Variants in RNF121 observed in about 807,000 individuals in gnomAD.
RNF121 encodes the protein E3 ubiquitin ligase RNF121.
A neutral mutation model predicts 46.5 loss-of-function variants in RNF121; 21 were observed. That is an observed-to-expected ratio of 0.45 (90% CI 0.32 to 0.65). RNF121 has a LOEUF of 0.65. RNF121 is among the 30% of genes least tolerant of loss of function. The pLI, the probability that RNF121 is intolerant of heterozygous loss-of-function variation, is 0.04. For missense variants in RNF121, 346 were observed against 416.0 expected (o/e 0.83, Z 1.46); for synonymous variants, 139 against 144.7 (o/e 0.96, Z 0.28).
chr11:71,954,890 T>G (rs1346183862), intron 1 of RNF121, among the ~76,000 whole-genome samples: 1 of 152,216 alleles, frequency 6.6e-6, no homozygotes, highest in Non-Finnish European at 1.5e-5. Context: ...GAGGTGCTGG[T>G]TTGTCAGCAT....
chr11:71,930,931 CA>C (rs1435051419), intron 1 of RNF121, among the ~76,000 whole-genome samples: 18 of 152,184 alleles, frequency 1.2e-4, no homozygotes, highest in Non-Finnish European at 1.8e-4. Flanking sequence ...CTTCTGGGTT[CA>C]AACAATTCTC....
At chr11:71,981,430 G>T (rs1210239518) in intron 3 of RNF121, among the ~76,000 whole-genome samples, 1 of 152,168 alleles carries the variant, frequency 6.6e-6, no homozygotes, top group Non-Finnish European at 1.5e-5. Flanking sequence ...TTTTGTTGTT[G>T]TTTTTTTTAA....
chr11:71,989,823 T>C (rs1380182116), intron 5 of RNF121, among the ~76,000 whole-genome samples: 2 of 152,232 alleles, frequency 1.3e-5, no homozygotes, highest in Non-Finnish European at 2.9e-5. Context: ...TAGTAACTGC[T>C]ATATATTAAT....
chr11:71,974,322 T>C (rs1215438101), intron 3 of RNF121, among the ~76,000 whole-genome samples: 1 of 152,256 alleles, frequency 6.6e-6, no homozygotes, highest in African/African-American at 2.4e-5. Flanking sequence ...AATAATACTT[T>C]AGATTGCTTA....
intron 3 of RNF121, among the ~76,000 whole-genome samples, chr11:71,982,417 G>C (rs749387570): frequency 6.6e-6 from 1 of 151,474 alleles, no homozygotes; most frequent in Non-Finnish European, 1.5e-5. Context: ...ACATGGTGAA[G>C]ATTTCGTGTT....
chr11:71,994,992 C>A, intron 7 of RNF121, 140 bp downstream of exon 7: 1 of 1,153,912 alleles, frequency 8.7e-7, no homozygotes, highest in Non-Finnish European at 1.2e-6. Flanking sequence ...GCCACCTTCC[C>A]TACCCTTTCC....
In RNF121 at chr11:71,996,444, G is replaced by A. The variant is rs1266555133; in HGVS notation, c.*129G>A. The stretch of plus-strand genomic sequence containing the variant: ...TGCTTGGGCCACTCAGGACCCCTCT[G>A]GCTGTGTCGGACTGGGGAGGGATAT... On this transcript the variant is annotated 3_prime_UTR_variant, in exon 9 of 9. Transcript: ENST00000361756. The A allele has an allele frequency of 2.0e-5, 21 of 1,063,146 alleles. No individual in the cohort carries two copies. In the South Asian group the frequency reaches 2.3e-4, roughly 12 times the overall value. 65.9% of individuals were successfully genotyped at this position (1,063,146 alleles called of 1,614,324 possible). A position where few individuals can be genotyped will look rare whatever the true frequency, so the allele number is the denominator to read the frequency against.
At chr11:71,984,170 G>A (rs911435744) in intron 4 of RNF121, among the ~76,000 whole-genome samples, 10 of 152,234 alleles carry the variant, frequency 6.6e-5, no homozygotes, top group Non-Finnish European at 1.0e-4. Context: ...TGAAGAAAAA[G>A]TGCAATAGAA....
intron 1 of RNF121, among the ~76,000 whole-genome samples, chr11:71,952,037 A>G (rs1221306873): frequency 6.6e-6 from 1 of 152,264 alleles, no homozygotes; most frequent in African/African-American, 2.4e-5. Context: ...TCATAGTAGC[A>G]TTATTTATAA....
intron 1 of RNF121, among the ~76,000 whole-genome samples, chr11:71,933,640 T>C (rs2134141883): frequency 6.6e-6 from 1 of 152,322 alleles, no homozygotes; most frequent in Non-Finnish European, 1.5e-5. Context: ...GTGACCCCAC[T>C]TCATGTTCCC....
In RNF121 at chr11:71,969,959, G is replaced by A. The variant is rs1182969701; in HGVS notation, c.243+9068G>A. The stretch of plus-strand genomic sequence containing the variant: ...AGAGACTGCAGGATAGGATAGAGAC[G>A]AGCACATAGCTAGATATAAGTAATT... On this transcript the variant is annotated intron_variant, in intron 3 of 8. Coordinates refer to ENST00000361756, the MANE Select transcript of RNF121 (RefSeq NM_018320.5). 3.3e-5 allele frequency among the ~76,000 whole-genome samples: 5 copies of A among 152,156 alleles called. 1 individual carries two copies. Among genetic ancestry groups the A allele is most frequent in the Admixed American group, 1.3e-4 (2 of 15,270 alleles).
At chr11:71,936,127 G>A (rs965240200) in intron 1 of RNF121, among the ~76,000 whole-genome samples, 4 of 152,050 alleles carry the variant, frequency 2.6e-5, no homozygotes, top group South Asian at 2.1e-4. Flanking sequence ...GATTATAGGC[G>A]TGAGATTATA....
chr11:71,995,584 G>T (rs772066606), intron 8 of RNF121, 33 bp downstream of exon 8: 67 of 1,525,288 alleles, frequency 4.4e-5, no homozygotes, highest in Non-Finnish European at 5.9e-5. Flanking sequence ...TTGGGAGTGG[G>T]CTGTGGGAAG....
chr11:71,969,142 C>G (rs1196566040), intron 3 of RNF121, among the ~76,000 whole-genome samples: 1 of 152,086 alleles, frequency 6.6e-6, no homozygotes, highest in Non-Finnish European at 1.5e-5. Context: ...CTGCCTCGGC[C>G]TCCCAAAGTG....
intron 1 of RNF121, among the ~76,000 whole-genome samples, chr11:71,944,997 GTT>G (rs559152542): frequency 6.9e-6 from 1 of 145,032 alleles, no homozygotes; most frequent in African/African-American, 2.5e-5. Context: ...CTTTTTTGTT[GTT>G]TTTTTTTTTG....
intron 5 of RNF121, among the ~76,000 whole-genome samples, chr11:71,988,273 T>A (rs1954805275): frequency 6.6e-6 from 1 of 152,118 alleles, no homozygotes; most frequent in African/African-American, 2.4e-5. Context: ...GCTCAGAGAC[T>A]GGAGCATGCA....
chr11:71,981,727 CCT>C (rs900292017), intron 3 of RNF121, among the ~76,000 whole-genome samples: 1 of 152,134 alleles, frequency 6.6e-6, no homozygotes, highest in Non-Finnish European at 1.5e-5. Flanking sequence ...CAGAAATGTG[CCT>C]CTCTCTGAGG....
intron 3 of RNF121, among the ~76,000 whole-genome samples, chr11:71,969,784 C>T (rs1954379309): frequency 6.6e-6 from 1 of 152,104 alleles, no homozygotes; most frequent in African/African-American, 2.4e-5. Context: ...TGAGACTGGT[C>T]TCAAACTACT....
At chr11:71,957,124 C>G in intron 1 of RNF121, 103 bp from the exon 2 acceptor site, 2 of 816,238 alleles carry the variant, frequency 2.5e-6, no homozygotes, top group Non-Finnish European at 4.4e-6. Context: ...AGACTTGAAG[C>G]TTCTCTAATT....
Sources: allele counts gnomAD v4.1 joint callset (sites outside exome capture counted in the v4.1 genomes callset), GRCh38; gene constraint gnomAD v4.1.1; transcripts MANE v1.5; gene names NCBI Gene and HGNC (gene_info 2026-07-23, HGNC 2026-07-21).